Variants in ZRSR2 observed in about 807,000 individuals in gnomAD.
ZRSR2 encodes U2 small nuclear ribonucleoprotein auxiliary factor 35 kDa subunit-related protein 2.
A neutral mutation model predicts 39.4 loss-of-function variants in ZRSR2; 3 were observed. The ratio of observed to expected loss-of-function variants is 0.08; its 90% CI spans 0.03 to 0.20. ZRSR2 has a LOEUF of 0.20. Ranked by LOEUF, ZRSR2 falls within the 10% of genes least tolerant of loss-of-function variation. ZRSR2 has a pLI of 1.00. For synonymous variants in ZRSR2, 137 were observed against 136.0 expected (o/e 1.01, Z -0.05); for missense variants, 256 against 391.5 (o/e 0.65, Z 2.92).
intron 2 of ZRSR2, among the ~76,000 whole-genome samples, chrX:15,792,600 T>C (rs1346416538): frequency 5.3e-5 from 6 of 112,557 alleles, no homozygotes; most frequent in Middle Eastern, 4.6e-3. Flanking sequence ...TGTTGCCTTA[T>C]AGTTATTTAC....
At chrX:15,816,030 A>G in intron 8 of ZRSR2, 140 bp downstream of exon 8, 1 of 407,683 alleles carries the variant, frequency 2.5e-6, no homozygotes, top group Non-Finnish European at 4.1e-6. Context: ...CTCTCTTTCC[A>G]CCCCCTACCT....
In ZRSR2 at chrX:15,802,797, G is replaced by A. The variant is rs988002340; in HGVS notation, c.204-891G>A. 5.4e-5 allele frequency among the ~76,000 whole-genome samples: 6 copies of A among 111,591 alleles called. No individual in the cohort carries two copies. The East Asian group carries it at 1.7e-3, about 31-fold the overall frequency. ...TTTATAACTCCATTTCTTAAAACCT[G>A]TAGCTTTATTTTAAAAACATGATTA... On this transcript the variant is annotated intron_variant, in intron 3 of 10. Transcript: ENST00000307771.
intron 3 of ZRSR2, among the ~76,000 whole-genome samples, chrX:15,800,690 A>G (rs1317383397): frequency 8.9e-6 from 1 of 112,348 alleles, no homozygotes; most frequent in East Asian, 2.8e-4. Context: ...TGCTAAATAT[A>G]TAGTGCATTT....
chrX:15,803,944 A>G (rs1343139092), intron 4 of ZRSR2, 148 bp downstream of exon 4: 1 of 975,782 alleles, frequency 1.0e-6, no homozygotes, highest in Non-Finnish European at 1.4e-6. Context: ...ACTCCATCTC[A>G]AAAAGAAAAA....
At chrX:15,812,482 A>G (rs750837209) in intron 7 of ZRSR2, among the ~76,000 whole-genome samples, 4 of 112,140 alleles carry the variant, frequency 3.6e-5, no homozygotes, top group African/African-American at 1.3e-4. Context: ...TTGTCAGAGC[A>G]TCAGAGGAAC....
intron 2 of ZRSR2, among the ~76,000 whole-genome samples, chrX:15,793,010 T>C (rs911199082): frequency 8.9e-6 from 1 of 112,020 alleles, no homozygotes; most frequent in African/African-American, 3.2e-5. Context: ...TGTGTTTAAC[T>C]GCAACCTGTG....
intron 3 of ZRSR2, among the ~76,000 whole-genome samples, chrX:15,802,787 C>T (rs1234565157): frequency 9.0e-6 from 1 of 111,529 alleles, no homozygotes; most frequent in Non-Finnish European, 1.9e-5. Context: ...AACTCCATTT[C>T]TTAAAACCTG....
intron 5 of ZRSR2, among the ~76,000 whole-genome samples, chrX:15,807,564 A>G (rs1253160483): frequency 9.1e-6 from 1 of 109,507 alleles, no homozygotes; most frequent in African/African-American, 3.3e-5. Context: ...TGCTAGGATT[A>G]TAGGTGTGAG....
At position 15,823,107 on chromosome X, in the gene ZRSR2, C is replaced by CAGCCGG. The variant is rs752736259; in HGVS notation, c.1338_1343dup (p.Ser447_Arg448dup). 23,064 of 1,204,160 alleles carry CAGCCGG rather than the reference C, an allele frequency of 0.019. 224 individuals carry two copies. The highest frequency in any genetic ancestry group is 0.066 in the African/African-American group (3,743 of 56,901). ...GCAGGGACCGCAGCCGGGGCCGGGG[C>CAGCCGG]AGCCGGAGCCGGAGCCGGAGCCGGA... On this transcript the variant is annotated inframe_insertion, in exon 11 of 11. Transcript: ENST00000307771.
chrX:15,803,553 C>T (rs1932738925), intron 3 of ZRSR2, 135 bp from the exon 4 acceptor site: 1 of 847,558 alleles, frequency 1.2e-6, no homozygotes, highest in East Asian at 3.5e-5. Flanking sequence ...CTTACACCCA[C>T]TTGACTGCTT....
intron 2 of ZRSR2, among the ~76,000 whole-genome samples, chrX:15,797,233 G>A (rs1431006643): frequency 1.1e-5 from 1 of 92,128 alleles, no homozygotes; most frequent in African/African-American, 4.2e-5. Flanking sequence ...TTTTTGAGAC[G>A]GTGTTTTGCT....
At chrX:15,791,102 C>A in intron 2 of ZRSR2, 89 bp downstream of exon 2, 2 of 829,614 alleles carry the variant, frequency 2.4e-6, no homozygotes, top group South Asian at 2.3e-5. Context: ...AGAAGGAAGT[C>A]AAATATTGTG....
chrX:15,805,225 G>A (rs1454850983), intron 5 of ZRSR2, among the ~76,000 whole-genome samples: 3 of 111,908 alleles, frequency 2.7e-5, no homozygotes, highest in African/African-American at 9.8e-5. Context: ...CTTTATTTGA[G>A]CACTTCTTTC....
chrX:15,818,396 C>T (rs1933022099), intron 8 of ZRSR2, among the ~76,000 whole-genome samples, 191 bp from the exon 9 acceptor site: 1 of 112,389 alleles, frequency 8.9e-6, no homozygotes, highest in African/African-American at 3.2e-5. Context: ...AGACCTGGAC[C>T]AACAGGGATC....
rs909623729 is a variant in ZRSR2, at chrX:15,807,518, G to T, written c.400-715G>T. Among the ~76,000 whole-genome samples, 58 of 107,926 alleles carry T rather than the reference G, an allele frequency of 5.4e-4. 2 individuals are homozygous for T. The highest frequency in any genetic ancestry group is 1.8e-3 in the African/African-American group (53 of 29,713). The allele number at this position is 107,926 out of a possible 115,157, so 93.7% of individuals were successfully genotyped here. On this transcript the variant is annotated intron_variant, in intron 5 of 10. Coordinates refer to ENST00000307771, the MANE Select transcript of ZRSR2 (RefSeq NM_005089.4). Reference sequence around the variant, plus strand: ...TTGGCCAGGCTGGTCTAGAACTCCTGACCTCAAGTGATCCACCCGCCTCAG... The same window carrying T: ...TTGGCCAGGCTGGTCTAGAACTCCTTACCTCAAGTGATCCACCCGCCTCAG...
chrX:15,799,317 C>T (rs768301221), intron 2 of ZRSR2, among the ~76,000 whole-genome samples: 15 of 110,820 alleles, frequency 1.4e-4, no homozygotes, highest in Non-Finnish European at 2.1e-4. Context: ...AGCTTTCATT[C>T]GATGTTTTTA....
In ZRSR2 at chrX:15,801,305, C is replaced by T. The variant is rs753243257; in HGVS notation, c.203+1352C>T. The T allele has an allele frequency of 7.1e-4, 168 of 236,987 alleles. 2 individuals are homozygous for T. Among genetic ancestry groups the T allele is most frequent in the Middle Eastern group, 1.5e-3 (1 of 669 alleles). The allele number at this position is 236,987 out of a possible 1,213,427, so 19.5% of individuals were successfully genotyped here. A position where few individuals can be genotyped will look rare whatever the true frequency, so the allele number is the denominator to read the frequency against. On this transcript the variant is annotated intron_variant, in intron 3 of 10. Transcript: ENST00000307771. ...GTGCAGTGGTGTGATCTCCGCTCAC[C>T]GCAACCTCCACCTCCCAGGTTCACA...
In ZRSR2 at chrX:15,808,957, C is replaced by T. The variant is rs185304440; in HGVS notation, c.439-243C>T. ...TTTTTAGAATGGATGGAAACCTTGGCGACTGCCCCTGGTGGCAGTAGTGAT... is the reference window on the plus strand; with the variant it reads ...TTTTTAGAATGGATGGAAACCTTGGTGACTGCCCCTGGTGGCAGTAGTGAT... On this transcript the variant is annotated intron_variant, in intron 6 of 10. Transcript: ENST00000307771. 5.6e-3 allele frequency among the ~76,000 whole-genome samples: 625 copies of T among 111,288 alleles called. 2 individuals carry two copies. Among genetic ancestry groups the T allele is most frequent in the Non-Finnish European group, 9.3e-3 (495 of 53,018 alleles).
At chrX:15,804,374 G>A (rs891219578) in intron 5 of ZRSR2, 177 bp downstream of exon 5, 17 of 396,416 alleles carry the variant, frequency 4.3e-5, no homozygotes, top group Admixed American at 9.3e-5. Context: ...CTTCGGGTCC[G>A]TGCAGTGGCA....
Sources: gnomAD v4.1 joint callset for allele counts (sites outside exome capture counted in the v4.1 genomes callset) on GRCh38, gnomAD v4.1.1 for gene constraint, MANE v1.5 for transcripts, NCBI Gene and HGNC (gene_info 2026-07-23, HGNC 2026-07-21) for gene names.